Variants in NCR3LG1 observed in about 807,000 individuals in gnomAD.
NCR3LG1 encodes natural killer cell cytotoxicity receptor 3 ligand 1, also known as natural cytotoxicity triggering receptor 3 ligand 1.
NCR3LG1 carries 35 observed loss-of-function variants against 34.8 expected under a neutral mutation model. The observed-to-expected ratio is 1.01, with a 90% CI of 0.77 to 1.33. The LOEUF is 1.33. Among genes scored for constraint, NCR3LG1 ranks in the 40% most tolerant of loss-of-function variants. NCR3LG1 has a pLI of 0.00. For missense variants in NCR3LG1, 452 were observed against 423.3 expected (o/e 1.07, Z -0.60); for synonymous variants, 173 against 163.6 (o/e 1.06, Z -0.44).
In NCR3LG1 at chr11:17,367,260, G is replaced by C; in HGVS notation, c.673G>C (p.Val225Leu). The C allele has an allele frequency of 3.3e-6, 5 of 1,536,274 alleles. No homozygotes were observed. The highest frequency in any genetic ancestry group is 4.4e-6 in the Non-Finnish European group (5 of 1,146,936). ...LNSSQEDPGT[V>L]YQCVVRHASL... ...CTCCTCTCAGGAAGACCCTGGGACTGTCTACCAGTGTGTGGTACGGCATGC... is the reference window on the plus strand; with the variant it reads ...CTCCTCTCAGGAAGACCCTGGGACTCTCTACCAGTGTGTGGTACGGCATGC... The change falls in exon 3 of 5, where the codon GTC becomes CTC. Residue 225 changes from valine to leucine, a missense_variant. Physicochemically the swap from Val to Leu is conservative, Grantham distance 32. Coordinates refer to ENST00000338965, the MANE Select transcript of NCR3LG1 (RefSeq NM_001202439.3).
chr11:17,378,043 C>T (rs1349490831), downstream of NCR3LG1, among the ~76,000 whole-genome samples: 4 of 152,154 alleles, frequency 2.6e-5, no homozygotes, highest in African/African-American at 9.7e-5. Context: ...TGGTATTCCT[C>T]TCCTTGAAAA....
At chr11:17,354,768 G>A (rs1416367002) in intron 1 of NCR3LG1, among the ~76,000 whole-genome samples, 1 of 151,908 alleles carries the variant, frequency 6.6e-6, no homozygotes, top group Middle Eastern at 3.2e-3. Context: ...TTGTCACCGC[G>A]TTTCCCTAAT....
At chr11:17,355,096 T>G (rs1953189737) in intron 1 of NCR3LG1, among the ~76,000 whole-genome samples, 1 of 152,226 alleles carries the variant, frequency 6.6e-6, no homozygotes, top group Non-Finnish European at 1.5e-5. Context: ...AGCAACCTAC[T>G]GTTCTAAAAT....
intron 2 of NCR3LG1, among the ~76,000 whole-genome samples, chr11:17,365,978 G>T (rs529349958): frequency 2.6e-5 from 4 of 152,262 alleles, no homozygotes; most frequent in South Asian, 2.1e-4. Context: ...GTGGCAGTTT[G>T]CCCTGTCACT....
chr11:17,369,908 C>T (rs1953388289), intron 4 of NCR3LG1, among the ~76,000 whole-genome samples: 1 of 152,164 alleles, frequency 6.6e-6, no homozygotes, highest in Non-Finnish European at 1.5e-5. Context: ...CAAATTCCTT[C>T]AAACAAAAGA....
intron 2 of NCR3LG1, among the ~76,000 whole-genome samples, chr11:17,358,545 A>G (rs1174543185): frequency 6.6e-6 from 1 of 152,120 alleles, no homozygotes; most frequent in Non-Finnish European, 1.5e-5. Context: ...TAGTTGAAGT[A>G]GTGTTTGTCT....
rs931656441 is a variant in NCR3LG1 at position 17,374,656 on chromosome 11, C to T, written c.*2144C>T. 2.0e-5 allele frequency: 3 copies of T among 152,146 alleles called. No homozygotes were observed. Among genetic ancestry groups the T allele is most frequent in the Non-Finnish European group, 4.4e-5 (3 of 68,026 alleles). The allele number at this position is 152,146 out of a possible 1,614,324, so 9.4% of individuals were successfully genotyped here. A position where few individuals can be genotyped will look rare whatever the true frequency, so the allele number is the denominator to read the frequency against. Reference sequence around the variant, plus strand: ...AGGATTAATCCCATTTCCTCCCTTCCTCTCCCCAGAACCCTCAAGCAGCTG... The same window carrying T: ...AGGATTAATCCCATTTCCTCCCTTCTTCTCCCCAGAACCCTCAAGCAGCTG... On this transcript the variant is annotated 3_prime_UTR_variant, in exon 5 of 5. Transcript: ENST00000338965.
intron 4 of NCR3LG1, among the ~76,000 whole-genome samples, chr11:17,370,994 T>A (rs1020460590): frequency 5.9e-5 from 9 of 152,202 alleles, no homozygotes; most frequent in Non-Finnish European, 1.0e-4. Flanking sequence ...AGCCTAAATT[T>A]TCACTTAGGG....
intron 2 of NCR3LG1, among the ~76,000 whole-genome samples, chr11:17,357,473 G>GGGAGGACATAAGAATTTTA (rs1953223780): frequency 6.6e-6 from 1 of 152,170 alleles, no homozygotes; most frequent in Non-Finnish European, 1.5e-5. Context: ...TGGGAATTCT[G>GGGAGGACATAAGAATTTTA]GGAGGACATA....
At chr11:17,357,969 CT>C (rs1372734080) in intron 2 of NCR3LG1, among the ~76,000 whole-genome samples, 1 of 152,160 alleles carries the variant, frequency 6.6e-6, no homozygotes, top group Non-Finnish European at 1.5e-5. Flanking sequence ...TCTCAATGTG[CT>C]GGCATTACAG....
At chr11:17,366,963 A>G (rs1349812840) in intron 2 of NCR3LG1, 46 bp from the exon 3 acceptor site, 1 of 1,404,874 alleles carries the variant, frequency 7.1e-7, no homozygotes, top group South Asian at 1.3e-5. Context: ...TGGTGGGGAT[A>G]AAAGGGTGCT....
At position 17,372,494 on chromosome 11, in the gene NCR3LG1, A is replaced by C; in HGVS notation, c.1347A>C (p.Leu449Phe). The change falls in exon 5 of 5, where the codon TTA (leucine) becomes TTC (phenylalanine). Residue 449 changes from leucine (L) to phenylalanine (F), a missense_variant. By Grantham distance (22) the Leu-to-Phe change is conservative. Transcript: ENST00000338965. ...TTCTATCCTCCCAACCCCCAACTTT[A>C]CTGTTACCCCTACAGTAAATGCCTG... is the stretch of plus-strand genomic sequence containing the variant. ...TPVLSSQPPT[L>F]LLPLQ 1 of 700,484 alleles carries C rather than the reference A, an allele frequency of 1.4e-6. No homozygotes were observed. The highest frequency in any genetic ancestry group is 1.5e-5 in the South Asian group (1 of 67,228). The allele number at this position is 700,484 out of a possible 1,614,324, so 43.4% of individuals were successfully genotyped here.
chr11:17,363,534 C>CCTTCCTTCCTTCCTTCCTTCCTTCCTT (rs1554898604), intron 2 of NCR3LG1, among the ~76,000 whole-genome samples: 1 of 79,606 alleles, frequency 1.3e-5, no homozygotes, highest in African/African-American at 6.7e-5. Flanking sequence ...CTCCCTCCCT[C>CCTTCCTTCCTTCCTTCCTTCCTTCCTT]CCTCCCTCCC....
chr11:17,378,638 C>T (rs557602776), downstream of NCR3LG1, among the ~76,000 whole-genome samples: 1 of 152,224 alleles, frequency 6.6e-6, no homozygotes, highest in South Asian at 2.1e-4. Context: ...GAGTGGTCAT[C>T]GTCCACTTTC....
At chr11:17,362,600 G>A (rs1231878444) in intron 2 of NCR3LG1, among the ~76,000 whole-genome samples, 3 of 148,216 alleles carry the variant, frequency 2.0e-5, no homozygotes, top group Admixed American at 6.7e-5. Flanking sequence ...ATCCGAACCT[G>A]GTGCTTTCCT....
chr11:17,366,999 TCCCTGACAGC>T lies in NCR3LG1; in HGVS notation c.422-9_422del. ...GGGCCCAACTCTGTATGATTTTTTT[TCCCTGACAGC>T]TTCCCCAGCCAGCAGATTGTTGCTG... On this transcript the variant is annotated splice_acceptor_variant and splice_polypyrimidine_tract_variant and coding_sequence_variant and intron_variant, in exon 3 of 5. Transcript: ENST00000338965. LOFTEE classifies it high-confidence loss of function. The T allele has an allele frequency of 6.6e-7, 1 of 1,526,590 alleles. No individual in the cohort carries two copies. The highest frequency in any genetic ancestry group is 8.8e-7 in the Non-Finnish European group (1 of 1,140,748). The allele number at this position is 1,526,590 out of a possible 1,614,324, so 94.6% of individuals were successfully genotyped here. A position where few individuals can be genotyped will look rare whatever the true frequency, so the allele number is the denominator to read the frequency against.
chr11:17,361,412 C>A (rs1413621025), intron 2 of NCR3LG1, among the ~76,000 whole-genome samples: 1 of 151,822 alleles, frequency 6.6e-6, no homozygotes, highest in Non-Finnish European at 1.5e-5. Flanking sequence ...CTCAGCCTCC[C>A]GAGTAGCTGG....
chr11:17,355,429 A>G lies in NCR3LG1; in HGVS notation c.71-1222A>G, dbSNP rs537463230. On this transcript the variant is annotated intron_variant, in intron 1 of 4. Coordinates refer to ENST00000338965, the MANE Select transcript of NCR3LG1 (RefSeq NM_001202439.3). ...ATAAATAGGAAAACATCAAAAAAAA[A>G]AGAGAAAATTCTCTTTACAATAGCA... Among the ~76,000 whole-genome samples, 43 of 152,154 alleles carry G rather than the reference A, an allele frequency of 2.8e-4. No individual in the cohort carries two copies. In the East Asian group the frequency reaches 4.8e-3, roughly 17 times the overall value.
At chr11:17,354,346 A>T (rs753892084) in intron 1 of NCR3LG1, among the ~76,000 whole-genome samples, 1 of 152,210 alleles carries the variant, frequency 6.6e-6, no homozygotes, top group Non-Finnish European at 1.5e-5. Context: ...CCTTTAAATG[A>T]AAATACATGG....
Sources: gnomAD v4.1 joint callset for allele counts (sites outside exome capture counted in the v4.1 genomes callset) on GRCh38, gnomAD v4.1.1 for gene constraint, MANE v1.5 for transcripts, NCBI Gene and HGNC (gene_info 2026-07-23, HGNC 2026-07-21) for gene names.